The following RANBP2 variants were observed in gnomAD, a reference collection of about 807,000 sequenced individuals.
RANBP2 encodes E3 SUMO-protein ligase RanBP2.
In RANBP2, 57 loss-of-function variants were observed where a neutral mutation model predicts 303.6. The ratio of observed to expected loss-of-function variants is 0.19; its 90% CI spans 0.15 to 0.23. The LOEUF (loss-of-function observed/expected upper bound fraction) is 0.23, where lower values mean the gene tolerates loss of function less well. Ranked by LOEUF, RANBP2 falls within the 10% of genes least tolerant of loss-of-function variation. The pLI is 1.00. For missense variants in RANBP2, 3,138 were observed against 3,780.8 expected (o/e 0.83, Z 4.46); for synonymous variants, 1,167 against 1,301.5 (o/e 0.90, Z 2.23).
chr2:109,487,700 C>G, the RANBP2 span, among the ~76,000 whole-genome samples: 3 of 152,200 alleles, frequency 2.0e-5, no homozygotes, highest in African/African-American at 7.2e-5. Context: ...CCACCATACC[C>G]CACGTCCAGG....
the RANBP2 span, among the ~76,000 whole-genome samples, chr2:109,197,985 G>A: frequency 6.6e-6 from 1 of 152,310 alleles, no homozygotes; most frequent in African/African-American, 2.4e-5. Flanking sequence ...AGGGGTTGAG[G>A]TTTTTCACAG....
At chr2:109,358,126 A>G in the RANBP2 span, among the ~76,000 whole-genome samples, 111 of 152,326 alleles carry the variant, frequency 7.3e-4, no homozygotes, top group African/African-American at 2.5e-3. Flanking sequence ...CCAGAACGTC[A>G]TACGGTTGAA....
At chr2:109,710,548 G>A in the RANBP2 span, among the ~76,000 whole-genome samples, 6 of 152,308 alleles carry the variant, frequency 3.9e-5, no homozygotes, top group South Asian at 1.0e-3. Flanking sequence ...GGGGCTGAAG[G>A]CTCACCTCTG....
At chr2:109,236,115 C>T in the RANBP2 span, among the ~76,000 whole-genome samples, 4 of 152,098 alleles carry the variant, frequency 2.6e-5, no homozygotes, top group Middle Eastern at 3.2e-3. Context: ...CATTTTGAAC[C>T]TCTCCAAGAT....
At position 108,783,176 on chromosome 2, in the gene RANBP2, C is replaced by CA. The variant is rs554801805; in HGVS notation, c.9369+321dup. Among the ~76,000 whole-genome samples, 40 of 150,728 alleles carry CA rather than the reference C, an allele frequency of 2.7e-4. No homozygotes were observed. In the South Asian group the frequency reaches 5.0e-3, roughly 19 times the overall value. On this transcript the variant is annotated intron_variant, in intron 28 of 28. Coordinates refer to ENST00000283195, the MANE Select transcript of RANBP2 (RefSeq NM_006267.5). Reference sequence around the variant, plus strand: ...TAACATGGCAAAAATCTCGTCTGGACAAAAAAATACAAAAATTAGCCAGGT... The same window carrying CA: ...TAACATGGCAAAAATCTCGTCTGGACAAAAAAAATACAAAAATTAGCCAGGT...
At chr2:109,508,865 G>A in the RANBP2 span, among the ~76,000 whole-genome samples, 2 of 152,186 alleles carry the variant, frequency 1.3e-5, no homozygotes, top group Non-Finnish European at 2.9e-5. Flanking sequence ...AAGCCGTGTG[G>A]GTAGTCATGG....
the RANBP2 span, among the ~76,000 whole-genome samples, chr2:109,192,063 C>T: frequency 6.8e-4 from 103 of 152,268 alleles, 1 homozygote; most frequent in African/African-American, 2.5e-3. Context: ...TGTCTACCTG[C>T]ACCTTCACTT....
chr2:108,802,946 A>G, the RANBP2 span, among the ~76,000 whole-genome samples: 2 of 152,126 alleles, frequency 1.3e-5, no homozygotes, highest in Non-Finnish European at 2.9e-5. Flanking sequence ...TGATTTGCGT[A>G]TATTGAACCA....
At chr2:109,503,880 A>G in the RANBP2 span, 1 of 152,232 alleles carries the variant, frequency 6.6e-6, no homozygotes, top group Non-Finnish European at 1.5e-5. Flanking sequence ...CACTGCATGC[A>G]GCATGGTAGA....
the RANBP2 span, among the ~76,000 whole-genome samples, chr2:108,799,954 T>C: frequency 1.3e-5 from 2 of 152,164 alleles, no homozygotes; most frequent in South Asian, 2.1e-4. Context: ...TCAAGTTGTT[T>C]AAAAAATTTA....
At chr2:109,448,542 C>G in the RANBP2 span, among the ~76,000 whole-genome samples, 1 of 152,164 alleles carries the variant, frequency 6.6e-6, no homozygotes, top group African/African-American at 2.4e-5. Context: ...ACTCCACTTA[C>G]TTGGGATCTA....
the RANBP2 span, among the ~76,000 whole-genome samples, chr2:109,305,931 G>A: frequency 2.7e-3 from 409 of 152,306 alleles, no homozygotes; most frequent in Non-Finnish European, 4.6e-3. Flanking sequence ...TCCTCCAGCT[G>A]CTCCTCCAGC....
At chr2:108,836,942 TC>T in the RANBP2 span, among the ~76,000 whole-genome samples, 1 of 152,148 alleles carries the variant, frequency 6.6e-6, no homozygotes, top group African/African-American at 2.4e-5. Flanking sequence ...ATTTATGTAT[TC>T]TTTTTTTTTT....
At chr2:109,072,919 A>G in the RANBP2 span, among the ~76,000 whole-genome samples, 1 of 152,150 alleles carries the variant, frequency 6.6e-6, no homozygotes, top group African/African-American at 2.4e-5. Context: ...CACTGGTTTG[A>G]GAGGCACCCA....
At chr2:108,817,834 A>T in the RANBP2 span, among the ~76,000 whole-genome samples, 1 of 152,248 alleles carries the variant, frequency 6.6e-6, no homozygotes, top group East Asian at 1.9e-4. Context: ...GTGTTGTTTA[A>T]ATGTTAAGTT....
chr2:109,472,668 T>C, the RANBP2 span, among the ~76,000 whole-genome samples: 3 of 152,220 alleles, frequency 2.0e-5, no homozygotes, highest in East Asian at 1.9e-4. Flanking sequence ...ATAGTGTGTT[T>C]AATTTTTCCT....
At chr2:109,254,528 C>T in the RANBP2 span, among the ~76,000 whole-genome samples, 1 of 152,310 alleles carries the variant, frequency 6.6e-6, no homozygotes, top group African/African-American at 2.4e-5. Context: ...AGCTGATGTA[C>T]CTGGGTCTGG....
the RANBP2 span, among the ~76,000 whole-genome samples, chr2:108,833,630 A>G: frequency 6.6e-6 from 1 of 152,228 alleles, no homozygotes; most frequent in East Asian, 1.9e-4. Context: ...CAGGCCAAAA[A>G]GCAAAGTGAA....
At chr2:108,908,531 G>A in the RANBP2 span, among the ~76,000 whole-genome samples, 2 of 152,092 alleles carry the variant, frequency 1.3e-5, no homozygotes, top group Non-Finnish European at 2.9e-5. Context: ...TGACTAGGGG[G>A]GTGACCTGGC....
Sources: allele counts gnomAD v4.1 joint callset (sites outside exome capture counted in the v4.1 genomes callset), GRCh38; gene constraint gnomAD v4.1.1; transcripts MANE v1.5; gene names NCBI Gene and HGNC (gene_info 2026-07-23, HGNC 2026-07-21).